SLC35D4: variants seen among roughly 807,000 people sequenced by gnomAD.
The protein encoded by SLC35D4 is solute carrier family 35 member D4, also known as UDP-N-acetylglucosamine transporter SLC35D4.
the SLC35D4 span, chr18:23,260,068 A>G: frequency 6.6e-6 from 1 of 152,274 alleles, no homozygotes; most frequent in East Asian, 1.9e-4. Context: ...ACAAGCCAAG[A>G]GGTTGCTGCA....
chr18:23,392,571 G>A, the SLC35D4 span, among the ~76,000 whole-genome samples: 2 of 152,146 alleles, frequency 1.3e-5, no homozygotes, highest in African/African-American at 4.8e-5. Context: ...GTGTGTAAGG[G>A]CCTCAACATA....
the SLC35D4 span, chr18:23,365,504 C>A: frequency 3.8e-6 from 4 of 1,045,706 alleles, no homozygotes; most frequent in African/African-American, 4.8e-5. Flanking sequence ...ATAGGTGGGA[C>A]CTTCCTGCCC....
At chr18:23,245,948 A>G in the SLC35D4 span, among the ~76,000 whole-genome samples, 10 of 152,306 alleles carry the variant, frequency 6.6e-5, no homozygotes, top group Middle Eastern at 3.4e-3. Flanking sequence ...GGTGAATCCC[A>G]TGGCCTGGAG....
At chr18:23,272,657 G>C in the SLC35D4 span, among the ~76,000 whole-genome samples, 1 of 151,896 alleles carries the variant, frequency 6.6e-6, no homozygotes, top group Non-Finnish European at 1.5e-5. Flanking sequence ...TTTTATCCTC[G>C]CACTCAGCCA....
the SLC35D4 span, chr18:23,437,760 C>A: frequency 5.0e-6 from 8 of 1,607,260 alleles, no homozygotes; most frequent in Non-Finnish European, 6.8e-6. Flanking sequence ...CAATCGCTGC[C>A]TCCCGCGCCC....
chr18:23,418,743 C>G, the SLC35D4 span, among the ~76,000 whole-genome samples: 1 of 151,734 alleles, frequency 6.6e-6, no homozygotes, highest in East Asian at 2.0e-4. Flanking sequence ...TACGGTGGCT[C>G]AAGCCTGTAA....
At chr18:23,295,347 C>T in the SLC35D4 span, among the ~76,000 whole-genome samples, 3 of 151,510 alleles carry the variant, frequency 2.0e-5, no homozygotes, top group South Asian at 6.3e-4. Context: ...CGCACATGTA[C>T]CCCAGAATTA....
chr18:23,349,492 G>A, the SLC35D4 span, among the ~76,000 whole-genome samples: 9 of 152,272 alleles, frequency 5.9e-5, no homozygotes, highest in South Asian at 4.1e-4. Flanking sequence ...TCAGCCAGGC[G>A]TGGTGGCACG....
the SLC35D4 span, among the ~76,000 whole-genome samples, chr18:23,289,987 A>G: frequency 6.6e-6 from 1 of 152,124 alleles, no homozygotes; most frequent in South Asian, 2.1e-4. Flanking sequence ...CAGGTGAAAT[A>G]AACAGCTTTA....
chr18:23,420,378 G>C, the SLC35D4 span, among the ~76,000 whole-genome samples: 1 of 151,960 alleles, frequency 6.6e-6, no homozygotes, highest in South Asian at 2.1e-4. Flanking sequence ...TTTTCTATAG[G>C]TAGGAATTTT....
chr18:23,331,808 G>C, the SLC35D4 span, among the ~76,000 whole-genome samples: 5 of 151,254 alleles, frequency 3.3e-5, no homozygotes, highest in African/African-American at 1.2e-4. Flanking sequence ...TGTATGGACA[G>C]ATGAAATTTA....
chr18:23,302,833 A>G, the SLC35D4 span, among the ~76,000 whole-genome samples: 1 of 152,226 alleles, frequency 6.6e-6, no homozygotes, highest in African/African-American at 2.4e-5. Context: ...GGCAGCCTCT[A>G]TTCATTCCAG....
At chr18:23,329,613 G>A in the SLC35D4 span, among the ~76,000 whole-genome samples, 1 of 152,202 alleles carries the variant, frequency 6.6e-6, no homozygotes, top group Non-Finnish European at 1.5e-5. Context: ...TGGTGGGAGT[G>A]TAAATTAGTT....
At chr18:23,265,194 T>C in the SLC35D4 span, among the ~76,000 whole-genome samples, 1 of 152,156 alleles carries the variant, frequency 6.6e-6, no homozygotes, top group Non-Finnish European at 1.5e-5. Flanking sequence ...CTGGTTAGGC[T>C]CTGGAAGGAG....
chr18:23,346,546 T>C, the SLC35D4 span, among the ~76,000 whole-genome samples: 1 of 152,116 alleles, frequency 6.6e-6, no homozygotes, highest in East Asian at 1.9e-4. Flanking sequence ...GCACTGCCTA[T>C]TGCATTCCTA....
chr18:23,421,674 CTTT>C, the SLC35D4 span, among the ~76,000 whole-genome samples: 1 of 136,402 alleles, frequency 7.3e-6, no homozygotes. Context: ...TTCTTCTCCT[CTTT>C]TTTTTTTTTT....
At chr18:23,339,192 A>G in the SLC35D4 span, among the ~76,000 whole-genome samples, 15 of 152,232 alleles carry the variant, frequency 9.9e-5, no homozygotes, top group African/African-American at 3.6e-4. Context: ...CACCTAGCCT[A>G]TAAGTATAAA....
the SLC35D4 span, among the ~76,000 whole-genome samples, chr18:23,299,257 A>G: frequency 6.6e-6 from 1 of 152,200 alleles, no homozygotes; most frequent in Non-Finnish European, 1.5e-5. Context: ...ATAATACATC[A>G]GCAGCAACCC....
At chr18:23,377,587 A>G in the SLC35D4 span, 1 of 1,508,094 alleles carries the variant, frequency 6.6e-7, no homozygotes, top group Non-Finnish European at 8.9e-7. Context: ...TTATCATTCA[A>G]GTTAAAAATA....
Sources: gnomAD v4.1 joint callset for allele counts (sites outside exome capture counted in the v4.1 genomes callset) on GRCh38, gnomAD v4.1.1 for gene constraint, MANE v1.5 for transcripts, NCBI Gene and HGNC (gene_info 2026-07-23, HGNC 2026-07-21) for gene names.